Variants in NOS1AP observed in about 807,000 individuals in gnomAD.
NOS1AP encodes nitric oxide synthase 1 adaptor protein.
A neutral mutation model predicts 56.2 loss-of-function variants in NOS1AP; 21 were observed. That is an observed-to-expected ratio of 0.37 (90% CI 0.26 to 0.54). The LOEUF is 0.54. Among genes scored for constraint, NOS1AP ranks in the 20% least tolerant of loss-of-function variants. The pLI is 0.84. For synonymous variants in NOS1AP, 270 were observed against 274.6 expected (o/e 0.98, Z 0.17); for missense variants, 522 against 657.8 (o/e 0.79, Z 2.26).
intron 1 of NOS1AP, among the ~76,000 whole-genome samples, chr1:162,126,988 A>G (rs1240116202): frequency 6.6e-6 from 1 of 152,204 alleles, no homozygotes; most frequent in Non-Finnish European, 1.5e-5. Context: ...TAGGTGAGAA[A>G]TAGTATCCCT....
At chr1:162,107,429 G>A (rs541180248) in intron 1 of NOS1AP, among the ~76,000 whole-genome samples, 218 of 152,282 alleles carry the variant, frequency 1.4e-3, no homozygotes, top group Non-Finnish European at 2.5e-3. Context: ...AAACTCCTAG[G>A]CTCAAGTGAT....
At chr1:162,357,327 G>A in intron 8 of NOS1AP, 191 bp downstream of exon 8, 1 of 1,137,904 alleles carries the variant, frequency 8.8e-7, no homozygotes, top group Non-Finnish European at 1.2e-6. Context: ...TTGAAATGGA[G>A]AGGCACATTT....
chr1:162,178,102 G>A (rs183599703), intron 2 of NOS1AP, among the ~76,000 whole-genome samples: 119 of 152,312 alleles, frequency 7.8e-4, no homozygotes, highest in Non-Finnish European at 2.8e-4. Flanking sequence ...CAGTAGGTAT[G>A]AATGGCTTTT....
At chr1:162,173,511 A>G (rs1650906546) in intron 2 of NOS1AP, among the ~76,000 whole-genome samples, 1 of 152,238 alleles carries the variant, frequency 6.6e-6, no homozygotes, top group Non-Finnish European at 1.5e-5. Flanking sequence ...AGGCATGGGC[A>G]AGGACTTCAT....
chr1:162,296,160 G>A (rs1360052840), intron 3 of NOS1AP, among the ~76,000 whole-genome samples: 4 of 152,032 alleles, frequency 2.6e-5, no homozygotes, highest in African/African-American at 7.2e-5. Context: ...GGTGGTGAGT[G>A]CCTGTAGTCC....
At chr1:162,301,501 G>A (rs974376589) in intron 4 of NOS1AP, among the ~76,000 whole-genome samples, 2 of 152,318 alleles carry the variant, frequency 1.3e-5, no homozygotes, top group Admixed American at 1.3e-4. Context: ...TATTATAGCA[G>A]ACCGAACCAA....
At chr1:162,202,588 A>G (rs745558782) in intron 2 of NOS1AP, among the ~76,000 whole-genome samples, 4 of 152,024 alleles carry the variant, frequency 2.6e-5, no homozygotes, top group Non-Finnish European at 4.4e-5. Flanking sequence ...AGTTTATGTC[A>G]TAGTTTGTGT....
chr1:162,319,083 C>A (rs1210387223), intron 4 of NOS1AP, among the ~76,000 whole-genome samples: 1 of 152,182 alleles, frequency 6.6e-6, no homozygotes, highest in Non-Finnish European at 1.5e-5. Context: ...GTGCATCGCT[C>A]CAGGTGTGTC....
At chr1:162,265,770 T>C (rs1043102754) in intron 2 of NOS1AP, among the ~76,000 whole-genome samples, 12 of 152,308 alleles carry the variant, frequency 7.9e-5, no homozygotes, top group Admixed American at 4.6e-4. Flanking sequence ...TAAATCTGTG[T>C]GACTATATTA....
intron 2 of NOS1AP, among the ~76,000 whole-genome samples, chr1:162,161,778 C>A (rs1355292293): frequency 2.0e-5 from 3 of 152,138 alleles, no homozygotes; most frequent in Non-Finnish European, 2.9e-5. Flanking sequence ...TGGGGTCTCC[C>A]TATGTTGCCC....
At chr1:162,140,098 G>A (rs1241837352) in intron 1 of NOS1AP, among the ~76,000 whole-genome samples, 2 of 152,110 alleles carry the variant, frequency 1.3e-5, no homozygotes, top group Admixed American at 6.5e-5. Flanking sequence ...CATAGTGCTG[G>A]GTTTACAGGT....
intron 5 of NOS1AP, among the ~76,000 whole-genome samples, chr1:162,341,278 G>T (rs1172446930): frequency 1.3e-5 from 2 of 152,146 alleles, no homozygotes; most frequent in Admixed American, 6.5e-5. Context: ...AACCTGAGAT[G>T]TTATAGGAAC....
chr1:162,321,731 A>AAAAAAAAAT (rs1480278757), intron 4 of NOS1AP, among the ~76,000 whole-genome samples: 5 of 128,494 alleles, frequency 3.9e-5, no homozygotes, highest in African/African-American at 1.4e-4. Flanking sequence ...AAAAAAAAAA[A>AAAAAAAAAT]ATATATATAT....
intron 2 of NOS1AP, among the ~76,000 whole-genome samples, chr1:162,171,314 C>A (rs1460680825): frequency 6.6e-6 from 1 of 151,936 alleles, no homozygotes; most frequent in Non-Finnish European, 1.5e-5. Context: ...GTCGTTTGTT[C>A]TTTCTGCTTT....
In NOS1AP at chr1:162,123,909, A is replaced by C. The variant is rs540510255; in HGVS notation, c.106-30496A>C. Among the ~76,000 whole-genome samples the C allele has an allele frequency of 7.9e-5, 12 of 152,300 alleles. No individual in the cohort carries two copies. In the South Asian group the frequency reaches 2.5e-3, roughly 32 times the overall value. On this transcript the variant is annotated intron_variant, in intron 1 of 9. Coordinates refer to ENST00000361897, the MANE Select transcript of NOS1AP (RefSeq NM_014697.3). ...AACAAGAATATTTTCTTATATAATCATAGTACAGTTGTCAAATTAAAAAAA... is the reference window on the plus strand; with the variant it reads ...AACAAGAATATTTTCTTATATAATCCTAGTACAGTTGTCAAATTAAAAAAA...
intron 2 of NOS1AP, among the ~76,000 whole-genome samples, chr1:162,163,422 T>A (rs990024033): frequency 2.0e-5 from 3 of 152,140 alleles, no homozygotes; most frequent in African/African-American, 7.2e-5. Context: ...CCCCACTCAT[T>A]TGAAAAAATA....
chr1:162,117,989 T>C (rs1167220257), intron 1 of NOS1AP, among the ~76,000 whole-genome samples: 1 of 152,260 alleles, frequency 6.6e-6, no homozygotes, highest in Admixed American at 6.5e-5. Context: ...ACATTTATCA[T>C]ATCTTCTAGG....
intron 5 of NOS1AP, among the ~76,000 whole-genome samples, chr1:162,337,900 C>A (rs1656990884): frequency 6.6e-6 from 1 of 152,134 alleles, no homozygotes. Context: ...ATTTCAGAGC[C>A]TTAGTACTGT....
intron 2 of NOS1AP, among the ~76,000 whole-genome samples, chr1:162,246,524 T>C (rs1653670943): frequency 6.6e-6 from 1 of 152,180 alleles, no homozygotes; most frequent in Non-Finnish European, 1.5e-5. Flanking sequence ...TAATTCTTGC[T>C]CTCCAGGAGA....
Sources: allele counts gnomAD v4.1 joint callset (sites outside exome capture counted in the v4.1 genomes callset), GRCh38; gene constraint gnomAD v4.1.1; transcripts MANE v1.5; gene names NCBI Gene and HGNC (gene_info 2026-07-23, HGNC 2026-07-21).